Variants in TLL1 observed in about 807,000 individuals in gnomAD.
TLL1 encodes the protein tolloid-like protein 1.
TLL1 carries 49 observed loss-of-function variants against 128.2 expected under a neutral mutation model. The observed-to-expected ratio is 0.38, with a 90% confidence interval of 0.30 to 0.48. The LOEUF (loss-of-function observed/expected upper bound fraction) is 0.48. Among genes scored for constraint, TLL1 ranks in the 20% least tolerant of loss-of-function variants. TLL1 has a pLI of 0.96. For synonymous variants in TLL1, 454 were observed against 418.8 expected, an observed-to-expected ratio of 1.08 and a Z score of -1.03; for missense variants, 1,123 against 1,242.0, an observed-to-expected ratio of 0.90 and a Z score of 1.44.
chr4:165,990,973 C>T (rs912526702), intron 2 of TLL1, among the ~76,000 whole-genome samples: 1 of 151,920 alleles, frequency 6.6e-6, no homozygotes, highest in Non-Finnish European at 1.5e-5. Flanking sequence ...GCTATATCAC[C>T]TGTAACACTG....
At chr4:165,945,521 G>C (rs1283220314) in intron 1 of TLL1, among the ~76,000 whole-genome samples, 4 of 152,112 alleles carry the variant, frequency 2.6e-5, no homozygotes, top group African/African-American at 9.7e-5. Context: ...GTGAGAGAGG[G>C]TAAGGGAGCT....
intron 5 of TLL1, among the ~76,000 whole-genome samples, chr4:166,000,468 C>G (rs1334278167): frequency 1.3e-5 from 2 of 152,062 alleles, no homozygotes; most frequent in African/African-American, 4.8e-5. Flanking sequence ...TGTAAAACCT[C>G]ATCTTATAGG....
At chr4:165,932,539 G>A (rs530584806) in intron 1 of TLL1, among the ~76,000 whole-genome samples, 89 of 152,252 alleles carry the variant, frequency 5.8e-4, no homozygotes, top group African/African-American at 1.9e-3. Context: ...GTAACTGTGC[G>A]TAACTGAGGA....
At chr4:165,942,147 G>A (rs988845872) in intron 1 of TLL1, among the ~76,000 whole-genome samples, 2 of 151,784 alleles carry the variant, frequency 1.3e-5, no homozygotes, top group South Asian at 4.1e-4. Flanking sequence ...TTATTTTTTG[G>A]CCATTTCTCT....
chr4:165,883,378 A>G (rs1393518815), intron 1 of TLL1, among the ~76,000 whole-genome samples: 2 of 152,102 alleles, frequency 1.3e-5, no homozygotes, highest in Non-Finnish European at 2.9e-5. Context: ...GGTTTCAAGG[A>G]GGCAGAATAA....
At chr4:166,061,555 T>C (rs1269761568) in intron 15 of TLL1, among the ~76,000 whole-genome samples, 1 of 152,062 alleles carries the variant, frequency 6.6e-6, no homozygotes, top group Non-Finnish European at 1.5e-5. Flanking sequence ...TCTTTCCTTT[T>C]AATTACTTTT....
At chr4:165,887,258 A>C (rs1274943948) in intron 1 of TLL1, among the ~76,000 whole-genome samples, 2 of 151,900 alleles carry the variant, frequency 1.3e-5, no homozygotes, top group Non-Finnish European at 2.9e-5. Context: ...TGGAAGAAGT[A>C]ATGAGAAAGT....
rs562694034 is a variant in TLL1 at position 165,903,436 on chromosome 4, G to C, written c.169+29363G>C. 1.6e-4 allele frequency among the ~76,000 whole-genome samples: 21 copies of C among 133,994 alleles called. No individual in the cohort carries two copies. The East Asian group carries it at 4.8e-3, about 31-fold the overall frequency. 87.9% of individuals were successfully genotyped at this position (133,994 alleles called of 152,430 possible). ...TGTTTTTTTTTTTTTTTTTTGAGAC[G>C]GAGTCTCACTCTGTCGCCCAGGCTG... is the stretch of plus-strand genomic sequence containing the variant. On this transcript the variant is annotated intron_variant, in intron 1 of 20. Transcript: ENST00000061240.
At chr4:165,920,231 T>C (rs1732985012) in intron 1 of TLL1, among the ~76,000 whole-genome samples, 1 of 152,192 alleles carries the variant, frequency 6.6e-6, no homozygotes, top group Non-Finnish European at 1.5e-5. Flanking sequence ...AAGAGAAAAC[T>C]TAGAAAGTCT....
intron 19 of TLL1, among the ~76,000 whole-genome samples, chr4:166,092,035 C>G (rs1163405467): frequency 2.6e-5 from 1 of 38,564 alleles, no homozygotes; most frequent in Non-Finnish European, 7.7e-5. Context: ...CCTTTTCATT[C>G]AGTTAAGACA....
intron 1 of TLL1, among the ~76,000 whole-genome samples, chr4:165,937,944 G>T (rs974662658): frequency 2.8e-5 from 4 of 140,352 alleles, no homozygotes; most frequent in Admixed American, 7.8e-5. Context: ...GATACCCATA[G>T]GATTATTTTT....
At position 166,060,258 on chromosome 4, in the gene TLL1, A is replaced by AAC; in HGVS notation, c.2007+71_2007+72insCA. ...TCCCTGAAGGCAAACTGTGAAATTA[A>AAC]AAAAAAAAAAGATGTAGTAAAATAG... On this transcript the variant is annotated intron_variant, in intron 15 of 20. Coordinates refer to ENST00000061240, the MANE Select transcript of TLL1 (RefSeq NM_012464.5). The AAC allele has an allele frequency of 2.2e-6, 3 of 1,371,746 alleles. No homozygotes were observed. In the Admixed American group the frequency reaches 5.7e-5, roughly 26 times the overall value. The allele number at this position is 1,371,746 out of a possible 1,614,324, so 85.0% of individuals were successfully genotyped here.
intron 1 of TLL1, among the ~76,000 whole-genome samples, chr4:165,913,223 C>G (rs993021561): frequency 3.0e-4 from 45 of 152,142 alleles, no homozygotes; most frequent in African/African-American, 9.9e-4. Flanking sequence ...TGCTTATTAA[C>G]TCAATGAATC....
chr4:166,102,894 T>G lies in TLL1; in HGVS notation c.*2018T>G, dbSNP rs932489336. The G allele has an allele frequency of 6.6e-6, 1 of 151,904 alleles. No homozygotes were observed. Among genetic ancestry groups the G allele is most frequent in the African/African-American group, 2.4e-5 (1 of 41,412 alleles). The allele number at this position is 151,904 out of a possible 1,614,324, so 9.4% of individuals were successfully genotyped here. A position where few individuals can be genotyped will look rare whatever the true frequency, so the allele number is the denominator to read the frequency against. On this transcript the variant is annotated 3_prime_UTR_variant, in exon 21 of 21. Transcript: ENST00000061240. ...AGTAACTTCTTCCATATTTTCTCACTAATCTCCCGTTAGCCAAAATATGCC... is the reference window on the plus strand; with the variant it reads ...AGTAACTTCTTCCATATTTTCTCACGAATCTCCCGTTAGCCAAAATATGCC...
intron 1 of TLL1, among the ~76,000 whole-genome samples, chr4:165,954,123 C>T (rs1734665475): frequency 6.6e-6 from 1 of 152,010 alleles, no homozygotes; most frequent in Non-Finnish European, 1.5e-5. Context: ...TGGCTTCATT[C>T]AAATATTCAC....
At chr4:166,042,316 C>A (rs1350138206) in intron 11 of TLL1, among the ~76,000 whole-genome samples, 173 bp downstream of exon 11, 1 of 152,118 alleles carries the variant, frequency 6.6e-6, no homozygotes, top group East Asian at 1.9e-4. Flanking sequence ...ATTGCAAGAA[C>A]AACCTGTTGT....
intron 1 of TLL1, among the ~76,000 whole-genome samples, chr4:165,973,815 G>A (rs1412771749): frequency 6.6e-6 from 1 of 151,872 alleles, no homozygotes; most frequent in Non-Finnish European, 1.5e-5. Flanking sequence ...ACAGGTGTGA[G>A]CCACCATGCC....
At position 165,889,702 on chromosome 4, in the gene TLL1, C is replaced by G. The variant is rs1232257316; in HGVS notation, c.169+15629C>G. Among the ~76,000 whole-genome samples, 3 of 152,096 alleles carry G rather than the reference C, an allele frequency of 2.0e-5. No homozygotes were observed. The East Asian group carries it at 5.8e-4, about 29-fold the overall frequency. ...AAATATGTTTCTGCATCTTTTGATGCTTAGGTGATACTTATTGCATTCTGT... is the reference window on the plus strand; with the variant it reads ...AAATATGTTTCTGCATCTTTTGATGGTTAGGTGATACTTATTGCATTCTGT... On this transcript the variant is annotated intron_variant, in intron 1 of 20. Transcript: ENST00000061240.
At chr4:165,915,304 G>A (rs1732729336) in intron 1 of TLL1, among the ~76,000 whole-genome samples, 1 of 152,124 alleles carries the variant, frequency 6.6e-6, no homozygotes, top group South Asian at 2.1e-4. Context: ...GTTTTGTGTT[G>A]GAGAAACAAG....
Sources: gnomAD v4.1 joint callset for allele counts (sites outside exome capture counted in the v4.1 genomes callset) on GRCh38, gnomAD v4.1.1 for gene constraint, MANE v1.5 for transcripts, NCBI Gene and HGNC (gene_info 2026-07-23, HGNC 2026-07-21) for gene names.